Variants in PRKG1 observed in about 807,000 individuals in gnomAD.
PRKG1 encodes the protein protein kinase cGMP-dependent 1.
A neutral mutation model predicts 88.1 loss-of-function variants in PRKG1; 35 were observed. The ratio of observed to expected loss-of-function variants is 0.40; its 90% confidence interval spans 0.30 to 0.53. The LOEUF (loss-of-function observed/expected upper bound fraction) is 0.53, where lower values mean the gene tolerates loss of function less well. Ranked by LOEUF, PRKG1 falls within the 20% of genes least tolerant of loss-of-function variation. The pLI, the probability that PRKG1 is intolerant of heterozygous loss-of-function variation, is 0.59. For synonymous variants in PRKG1, 303 were observed against 292.5 expected, an observed-to-expected ratio of 1.04 and a Z score of -0.37; for missense variants, 540 against 839.8, an observed-to-expected ratio of 0.64 and a Z score of 4.41.
chr10:51,096,674 T>G (rs1010661884), intron 1 of PRKG1, among the ~76,000 whole-genome samples: 1 of 152,136 alleles, frequency 6.6e-6, no homozygotes, highest in Non-Finnish European at 1.5e-5. Context: ...CCTTAGGTCC[T>G]CCATCTATAA....
At chr10:52,007,978 T>C (rs1844782058) in intron 5 of PRKG1, among the ~76,000 whole-genome samples, 1 of 152,096 alleles carries the variant, frequency 6.6e-6, no homozygotes, top group African/African-American at 2.4e-5. Flanking sequence ...AGAAAATCCC[T>C]CAAAATAACA....
At chr10:51,836,088 G>A (rs554229567) in intron 4 of PRKG1, among the ~76,000 whole-genome samples, 7 of 152,116 alleles carry the variant, frequency 4.6e-5, no homozygotes, top group African/African-American at 1.7e-4. Flanking sequence ...TTATCAAAAA[G>A]AATTAATCTG....
intron 1 of PRKG1, among the ~76,000 whole-genome samples, chr10:51,022,051 T>G (rs1843145584): frequency 2.6e-5 from 4 of 152,224 alleles, no homozygotes; most frequent in Admixed American, 2.6e-4. Flanking sequence ...CATCTCTTTA[T>G]TTTTATAAAA....
At chr10:51,875,853 C>T (rs191151875) in intron 4 of PRKG1, among the ~76,000 whole-genome samples, 5 of 152,096 alleles carry the variant, frequency 3.3e-5, no homozygotes, top group South Asian at 2.1e-4. Flanking sequence ...GCCAAGCATA[C>T]GTATCCAGTA....
At chr10:51,955,818 T>G (rs534649709) in intron 5 of PRKG1, among the ~76,000 whole-genome samples, 3 of 152,264 alleles carry the variant, frequency 2.0e-5, no homozygotes, top group African/African-American at 7.2e-5. Flanking sequence ...GTTTGTTTGT[T>G]TTCTTTTGTT....
chr10:51,208,103 G>C (rs1838109859), intron 2 of PRKG1, among the ~76,000 whole-genome samples: 1 of 152,066 alleles, frequency 6.6e-6, no homozygotes, highest in Admixed American at 6.6e-5. Context: ...CAATTACCTA[G>C]GTAAAAAATA....
intron 2 of PRKG1, among the ~76,000 whole-genome samples, chr10:51,270,198 T>C (rs1177050388): frequency 6.6e-6 from 1 of 152,208 alleles, no homozygotes. Context: ...TTGTAAAATG[T>C]ATTCATGCCT....
chr10:51,081,599 A>C (rs183587541), intron 1 of PRKG1, among the ~76,000 whole-genome samples: 4 of 152,230 alleles, frequency 2.6e-5, no homozygotes, highest in Admixed American at 2.6e-4. Flanking sequence ...AGAGGACAAG[A>C]ATAAGGGCAA....
At position 51,637,599 on chromosome 10, in the gene PRKG1, C is replaced by T. The variant is rs140308990; in HGVS notation, c.593-166986C>T. On this transcript the variant is annotated intron_variant, in intron 3 of 17. Coordinates refer to ENST00000373980, the MANE Select transcript of PRKG1 (RefSeq NM_006258.4). The stretch of plus-strand genomic sequence containing the variant: ...AATACCTTGCAGCCGTTAAAAGGAA[C>T]GAGATTATGTCCTCTGAAGAGACAT... 4.4e-4 allele frequency among the ~76,000 whole-genome samples: 67 copies of T among 152,218 alleles called. No individual in the cohort carries two copies. The East Asian group carries it at 5.6e-3, about 13-fold the overall frequency.
intron 2 of PRKG1, among the ~76,000 whole-genome samples, chr10:51,276,807 G>C (rs534640705): frequency 6.6e-6 from 1 of 151,924 alleles, no homozygotes; most frequent in East Asian, 1.9e-4. Context: ...CTTTTTGATG[G>C]GGTTGTTTTT....
At chr10:51,917,792 T>C (rs1203310908) in intron 5 of PRKG1, among the ~76,000 whole-genome samples, 2 of 152,200 alleles carry the variant, frequency 1.3e-5, no homozygotes, top group Non-Finnish European at 2.9e-5. Context: ...CTAGTTCTAA[T>C]TCTCAGTGAT....
intron 3 of PRKG1, among the ~76,000 whole-genome samples, chr10:51,617,560 G>A (rs1839092998): frequency 6.6e-6 from 1 of 152,074 alleles, no homozygotes; most frequent in African/African-American, 2.4e-5. Flanking sequence ...GTTTGAATAT[G>A]TTTATATACA....
intron 7 of PRKG1, among the ~76,000 whole-genome samples, chr10:52,104,149 A>C (rs1422273604): frequency 2.0e-5 from 3 of 151,524 alleles, no homozygotes; most frequent in Non-Finnish European, 4.4e-5. Context: ...CTATAATTTT[A>C]TATTTACTTT....
intron 5 of PRKG1, among the ~76,000 whole-genome samples, chr10:52,006,999 AC>A (rs1299549394): frequency 6.6e-6 from 1 of 152,142 alleles, no homozygotes; most frequent in East Asian, 1.9e-4. Flanking sequence ...AAAAATTCCA[AC>A]CGGGAATTCC....
At chr10:51,726,432 T>G (rs912104529) in intron 3 of PRKG1, among the ~76,000 whole-genome samples, 9 of 152,238 alleles carry the variant, frequency 5.9e-5, no homozygotes, top group African/African-American at 2.2e-4. Flanking sequence ...GATGTCCTCT[T>G]GTGCATCTGC....
At chr10:51,482,250 G>A (rs547613366) in intron 3 of PRKG1, among the ~76,000 whole-genome samples, 8 of 152,176 alleles carry the variant, frequency 5.3e-5, no homozygotes, top group East Asian at 1.9e-4. Context: ...TTTACCCTAA[G>A]TGAGTTATTT....
chr10:52,207,445 C>G (rs1286336678), intron 9 of PRKG1, among the ~76,000 whole-genome samples: 1 of 152,190 alleles, frequency 6.6e-6, no homozygotes, highest in African/African-American at 2.4e-5. Context: ...TCAGATCAGA[C>G]TGGCCCCATC....
chr10:52,265,201 C>T (rs140358050), intron 10 of PRKG1, among the ~76,000 whole-genome samples: 1,948 of 152,036 alleles, frequency 0.013, 36 homozygotes, highest in South Asian at 0.085. Flanking sequence ...AGAATTAGGT[C>T]CCAGGTTTAT....
intron 4 of PRKG1, among the ~76,000 whole-genome samples, chr10:51,905,989 AT>A (rs202164564): frequency 0.015 from 2,286 of 152,272 alleles, 63 homozygotes; most frequent in African/African-American, 0.053. Context: ...TAATTATCTA[AT>A]TACACTTGTA....
Sources: allele counts gnomAD v4.1 joint callset (sites outside exome capture counted in the v4.1 genomes callset), GRCh38; gene constraint gnomAD v4.1.1; transcripts MANE v1.5; gene names NCBI Gene and HGNC (gene_info 2026-07-23, HGNC 2026-07-21).